Variants in ZFP64 observed in about 807,000 individuals in gnomAD.
ZFP64 encodes zinc finger protein 64.
In ZFP64, 14 loss-of-function variants were observed where a neutral mutation model predicts 51.6. The ratio of observed to expected loss-of-function variants is 0.27; its 90% CI spans 0.18 to 0.42. The LOEUF (loss-of-function observed/expected upper bound fraction) is 0.42, where lower values mean the gene tolerates loss of function less well. Among genes scored for constraint, ZFP64 ranks in the 10% least tolerant of loss-of-function variants. The pLI, the probability that ZFP64 is intolerant of heterozygous loss-of-function variation, is 1.00. For synonymous variants in ZFP64, 375 were observed against 361.4 expected (o/e 1.04, Z -0.43); for missense variants, 754 against 906.8 (o/e 0.83, Z 2.16).
intron 5 of ZFP64, among the ~76,000 whole-genome samples, chr20:52,116,248 G>A (rs1277547918): frequency 2.6e-5 from 4 of 151,512 alleles, no homozygotes; most frequent in African/African-American, 9.7e-5. Context: ...CGATTCTCCT[G>A]CCTCAGCCTC....
chr20:52,111,490 C>T (rs1568952515), intron 5 of ZFP64, among the ~76,000 whole-genome samples: 1 of 151,772 alleles, frequency 6.6e-6, no homozygotes, highest in Non-Finnish European at 1.5e-5. Flanking sequence ...GCTAGGATTA[C>T]AGGCGTGAGC....
exon 8 of ZFP64, chr20:52,088,593 C>A: frequency 1.2e-6 from 2 of 1,614,210 alleles, no homozygotes; most frequent in Non-Finnish European, 1.7e-6. Flanking sequence ...GTCAGGTTGT[C>A]CTTCCGGCTG....
chr20:52,139,865 T>TA (rs34880787), intron 5 of ZFP64, among the ~76,000 whole-genome samples: 1 of 150,978 alleles, frequency 6.6e-6, no homozygotes, highest in Admixed American at 6.6e-5. Context: ...TTTTTTTTTT[T>TA]ACAAATTGAA....
chr20:52,109,842 G>C (rs1056108765), intron 5 of ZFP64, among the ~76,000 whole-genome samples: 6 of 151,342 alleles, frequency 4.0e-5, no homozygotes, highest in Admixed American at 3.3e-4. Flanking sequence ...GTAGACTGAG[G>C]TTCTTATAGG....
chr20:52,171,458 T>C (rs1982719502), intron 2 of ZFP64, among the ~76,000 whole-genome samples: 1 of 152,192 alleles, frequency 6.6e-6, no homozygotes, highest in South Asian at 2.1e-4. Flanking sequence ...TGAGCATGCA[T>C]GGTCAGACTG....
chr20:52,149,994 G>A (rs1366949272), downstream of ZFP64, among the ~76,000 whole-genome samples: 1 of 152,040 alleles, frequency 6.6e-6, no homozygotes, highest in African/African-American at 2.4e-5. Flanking sequence ...GGATCACAAG[G>A]TCAGGAGATC....
rs555075680 is a variant in ZFP64 at position 52,176,099 on chromosome 20, T to A, written c.287-10074A>T. 9.3e-6 allele frequency: 3 copies of A among 323,994 alleles called. No individual in the cohort carries two copies. The East Asian group carries it at 5.1e-4, about 55-fold the overall frequency. 20.1% of individuals were successfully genotyped at this position (323,994 alleles called of 1,614,324 possible). A position where few individuals can be genotyped will look rare whatever the true frequency, so the allele number is the denominator to read the frequency against. On this transcript the variant is annotated intron_variant, in intron 2 of 5. Coordinates refer to ENST00000216923, the MANE Select transcript of ZFP64 (RefSeq NM_018197.3). The stretch of plus-strand genomic sequence containing the variant: ...CAGCAACTGGGCCAATCGAGTCTCT[T>A]GCTCTGAAATTGAATCCTGCAGCCA...
intron 5 of ZFP64, among the ~76,000 whole-genome samples, chr20:52,111,834 C>T (rs752705975): frequency 1.3e-5 from 2 of 151,920 alleles, no homozygotes; most frequent in Non-Finnish European, 2.9e-5. Flanking sequence ...GTAATCCCAG[C>T]ACTTTGGGAG....
At chr20:52,140,112 T>C (rs1030467815) in intron 5 of ZFP64, among the ~76,000 whole-genome samples, 1 of 152,164 alleles carries the variant, frequency 6.6e-6, no homozygotes, top group African/African-American at 2.4e-5. Flanking sequence ...AAATGTAGTG[T>C]GTGTTCTGAC....
chr20:52,131,030 C>T (rs914342406), intron 5 of ZFP64, among the ~76,000 whole-genome samples: 1 of 151,942 alleles, frequency 6.6e-6, no homozygotes, highest in African/African-American at 2.4e-5. Context: ...TGGGCCACTG[C>T]ACTCCAGCCT....
chr20:52,148,676 G>A (rs1980640470), downstream of ZFP64, among the ~76,000 whole-genome samples: 1 of 151,078 alleles, frequency 6.6e-6, no homozygotes, highest in East Asian at 2.0e-4. Flanking sequence ...ACTCCAGGCT[G>A]GGCGACAGCC....
chr20:52,152,506 G>A lies in ZFP64; in HGVS notation c.1686C>T (p.Gly562=), dbSNP rs1188600511. The A allele has an allele frequency of 4.4e-6, 7 of 1,606,496 alleles. No homozygotes were observed. The highest frequency in any genetic ancestry group is 3.3e-5 in the Admixed American group (2 of 59,820). Residue 562 remains glycine (G), a synonymous_variant, in exon 6 of 6, where the codon GGC becomes GGT. Coordinates refer to ENST00000216923, the MANE Select transcript of ZFP64 (RefSeq NM_018197.3). ...GCAGGACAGCCGGCTGGGTCATTGC[G>A]CCCGCCTCGCTCGGACACCGCGAGG... The part of the protein sequence containing the change: ...PQSSRCPSEA[G]AMTQPAVLLT...
At chr20:52,183,020 C>T (rs1394072461) in intron 2 of ZFP64, among the ~76,000 whole-genome samples, 1 of 152,112 alleles carries the variant, frequency 6.6e-6, no homozygotes, top group Non-Finnish European at 1.5e-5. Flanking sequence ...TTAAGTCCAG[C>T]TCTGACATAA....
chr20:52,136,212 C>G (rs772179149), intron 5 of ZFP64, among the ~76,000 whole-genome samples: 61 of 151,732 alleles, frequency 4.0e-4, no homozygotes, highest in Non-Finnish European at 6.8e-4. Flanking sequence ...TCTAGGCATA[C>G]CTTTTCCTAA....
chr20:52,133,786 A>C (rs1411992698), intron 5 of ZFP64, among the ~76,000 whole-genome samples: 2 of 151,926 alleles, frequency 1.3e-5, no homozygotes, highest in African/African-American at 2.4e-5. Context: ...TAATTCCAGC[A>C]CTCTGGCAGG....
intron 5 of ZFP64, among the ~76,000 whole-genome samples, chr20:52,112,082 CAAAAAAAAAAA>C (rs375422075): frequency 1.3e-5 from 1 of 78,398 alleles, no homozygotes. Flanking sequence ...ACTCTATCTC[CAAAAAAAAAAA>C]AAAAAAACAA....
intron 2 of ZFP64, among the ~76,000 whole-genome samples, chr20:52,182,909 C>T (rs1278496298): frequency 7.9e-5 from 12 of 152,148 alleles, no homozygotes; most frequent in Non-Finnish European, 1.5e-4. Flanking sequence ...GATGGAGATA[C>T]ACCTTAAAGT....
intron 2 of ZFP64, among the ~76,000 whole-genome samples, chr20:52,169,146 A>C (rs185705679): frequency 6.6e-6 from 1 of 152,342 alleles, no homozygotes; most frequent in Admixed American, 6.5e-5. Flanking sequence ...CCACTTCATA[A>C]GGGTGTTGCA....
chr20:52,112,467 C>T (rs546319673), intron 5 of ZFP64, among the ~76,000 whole-genome samples: 2 of 152,256 alleles, frequency 1.3e-5, no homozygotes, highest in South Asian at 2.1e-4. Flanking sequence ...AATTCCCATG[C>T]TTTCATAGTT....
Sources: gnomAD v4.1 joint callset for allele counts (sites outside exome capture counted in the v4.1 genomes callset) on GRCh38, gnomAD v4.1.1 for gene constraint, MANE v1.5 for transcripts, NCBI Gene and HGNC (gene_info 2026-07-23, HGNC 2026-07-21) for gene names.